The following ANKH variants were observed in gnomAD, a reference collection of about 807,000 sequenced individuals.
ANKH encodes the protein ANKH inorganic pyrophosphate transport regulator.
Under a neutral mutation model 49.0 loss-of-function variants are expected in ANKH, and 15 were observed. That is an observed-to-expected ratio of 0.31 (90% CI 0.20 to 0.47). The LOEUF (loss-of-function observed/expected upper bound fraction) is 0.47. ANKH is among the 20% of genes least tolerant of loss of function. The pLI is 1.00. For synonymous variants in ANKH, 273 were observed against 260.0 expected, an observed-to-expected ratio of 1.05 and a Z score of -0.48; for missense variants, 429 against 652.0, an observed-to-expected ratio of 0.66 and a Z score of 3.72.
At chr5:14,816,306 TG>T (rs1039023669) in intron 1 of ANKH, among the ~76,000 whole-genome samples, 2 of 152,228 alleles carry the variant, frequency 1.3e-5, no homozygotes, top group African/African-American at 4.8e-5. Context: ...CAAAGAAGAT[TG>T]GTTTAGAAGC....
intron 1 of ANKH, among the ~76,000 whole-genome samples, chr5:14,788,623 C>T (rs1561055634): frequency 6.6e-6 from 1 of 152,158 alleles, no homozygotes; most frequent in Non-Finnish European, 1.5e-5. Context: ...AAGGATTAGG[C>T]ACTTTCGTAT....
Position 14,709,124 on chromosome 5 carries a change from C to T in ANKH, c.*2073G>A, listed in dbSNP as rs956302043. 1 of 152,204 alleles carries T rather than the reference C, an allele frequency of 6.6e-6. No homozygotes were observed. The highest frequency in any genetic ancestry group is 2.4e-5 in the African/African-American group (1 of 41,430). The allele number at this position is 152,204 out of a possible 1,614,324, so 9.4% of individuals were successfully genotyped here. A position where few individuals can be genotyped will look rare whatever the true frequency, so the allele number is the denominator to read the frequency against. Reference sequence around the variant, plus strand: ...GGCCAGGCTGGTCTCAAACTCCTGACCTTAAGTGATCCACCCTCCTTGGCC... The same window carrying T: ...GGCCAGGCTGGTCTCAAACTCCTGATCTTAAGTGATCCACCCTCCTTGGCC... On this transcript the variant is annotated 3_prime_UTR_variant, in exon 12 of 12. Coordinates refer to ENST00000284268, the MANE Select transcript of ANKH (RefSeq NM_054027.6).
chr5:14,843,942 AT>A (rs530937459), intron 1 of ANKH, among the ~76,000 whole-genome samples: 73 of 152,300 alleles, frequency 4.8e-4, no homozygotes, highest in Non-Finnish European at 9.1e-4. Flanking sequence ...AGGATATCAT[AT>A]TTTTTTAGTG....
intron 1 of ANKH, among the ~76,000 whole-genome samples, chr5:14,837,630 G>T (rs561841334): frequency 6.6e-6 from 1 of 152,346 alleles, no homozygotes; most frequent in East Asian, 1.9e-4. Context: ...AACAACAGGT[G>T]CTGGAGAAGA....
chr5:14,843,312 A>G (rs552487112), intron 1 of ANKH, among the ~76,000 whole-genome samples: 1 of 151,578 alleles, frequency 6.6e-6, no homozygotes, highest in South Asian at 2.1e-4. Context: ...AGTAGCTGGG[A>G]CTACAGGCGT....
chr5:14,868,384 T>TA (rs954252190), intron 1 of ANKH: 2 of 151,982 alleles, frequency 1.3e-5, no homozygotes, highest in African/African-American at 2.4e-5. Flanking sequence ...TTTTATTTTT[T>TA]AATTTTGCAT....
chr5:14,803,320 C>T (rs1580080669), intron 1 of ANKH, among the ~76,000 whole-genome samples: 1 of 152,284 alleles, frequency 6.6e-6, no homozygotes, highest in East Asian at 1.9e-4. Flanking sequence ...TGCTCTGTTG[C>T]CCGGGCTGGA....
intron 1 of ANKH, among the ~76,000 whole-genome samples, chr5:14,837,868 C>G (rs1397724170): frequency 6.6e-6 from 1 of 152,012 alleles, no homozygotes; most frequent in Non-Finnish European, 1.5e-5. Flanking sequence ...AGACTTGGAA[C>G]CAACCCAATG....
intron 1 of ANKH, among the ~76,000 whole-genome samples, chr5:14,862,287 G>A (rs1000038732): frequency 6.6e-6 from 1 of 152,184 alleles, no homozygotes; most frequent in African/African-American, 2.4e-5. Flanking sequence ...AACTACATAG[G>A]AGAAACAGTA....
intron 1 of ANKH, among the ~76,000 whole-genome samples, chr5:14,818,295 C>T (rs907383005): frequency 5.3e-5 from 8 of 151,996 alleles, no homozygotes; most frequent in African/African-American, 1.9e-4. Flanking sequence ...CCTACCCTCC[C>T]TTCTCCTCCT....
chr5:14,746,318 T>G (rs1738541295), intron 6 of ANKH, among the ~76,000 whole-genome samples: 1 of 151,998 alleles, frequency 6.6e-6, no homozygotes, highest in Non-Finnish European at 1.5e-5. Flanking sequence ...TCTCTCTTTC[T>G]TTTAATTTTT....
intron 1 of ANKH, among the ~76,000 whole-genome samples, chr5:14,830,519 G>A (rs908897965): frequency 2.4e-4 from 37 of 151,530 alleles, no homozygotes; most frequent in Non-Finnish European, 2.9e-5. Context: ...GAGTGTGTGT[G>A]TGTGTGTGTG....
intron 1 of ANKH, among the ~76,000 whole-genome samples, chr5:14,800,383 T>C (rs1740532631): frequency 6.6e-6 from 1 of 152,266 alleles, no homozygotes; most frequent in Non-Finnish European, 1.5e-5. Flanking sequence ...AAAGAAGTTC[T>C]ACTGTGAGTA....
In ANKH at chr5:14,710,972, G is replaced by GT; in HGVS notation, c.*224dup. 2 of 538,690 alleles carry GT rather than the reference G, an allele frequency of 3.7e-6. No individual in the cohort carries two copies. Among genetic ancestry groups the GT allele is most frequent in the South Asian group, 4.0e-5 (2 of 50,086 alleles). The allele number at this position is 538,690 out of a possible 1,614,324, so 33.4% of individuals were successfully genotyped here. On this transcript the variant is annotated 3_prime_UTR_variant, in exon 12 of 12. Transcript: ENST00000284268. The stretch of plus-strand genomic sequence containing the variant: ...GCAGGGGTATGAAGTCAGTTGTTTC[G>GT]TTTGTTTTTACATAGCAACAGTAAA...
intron 8 of ANKH, among the ~76,000 whole-genome samples, chr5:14,717,600 C>T (rs1737518985): frequency 6.6e-6 from 1 of 152,174 alleles, no homozygotes. Flanking sequence ...CACAGCTCCC[C>T]TTGCGCAGCT....
intron 1 of ANKH, among the ~76,000 whole-genome samples, chr5:14,793,547 T>C (rs540877495): frequency 2.4e-4 from 36 of 151,676 alleles, no homozygotes; most frequent in African/African-American, 7.7e-4. Context: ...AGGGGCTGAG[T>C]AACGGGAGAT....
chr5:14,796,217 C>T (rs1342005959), intron 1 of ANKH, among the ~76,000 whole-genome samples: 4 of 150,508 alleles, frequency 2.7e-5, no homozygotes, highest in Non-Finnish European at 5.9e-5. Flanking sequence ...TAAGCACTTA[C>T]ACAGTTAGTC....
At chr5:14,759,830 AAAGGG>A (rs1268771646) in intron 2 of ANKH, among the ~76,000 whole-genome samples, 9 of 110,918 alleles carry the variant, frequency 8.1e-5, no homozygotes, top group South Asian at 6.0e-4. Context: ...AAAGGAAAGG[AAAGGG>A]AAGGGAAGGG....
rs1446964647 is a variant in ANKH, at chr5:14,859,589, C to T, written c.96+11763G>A. 3.9e-5 allele frequency among the ~76,000 whole-genome samples: 6 copies of T among 152,186 alleles called. 1 individual carries two copies. Among genetic ancestry groups the T allele is most frequent in the Admixed American group, 3.9e-4 (6 of 15,284 alleles). ...CAATAAGAAAGAATAAGGTGCTAGA[C>T]ACTGTAATAACAATGCACATGTGTC... On this transcript the variant is annotated intron_variant, in intron 1 of 11. Coordinates refer to ENST00000284268, the MANE Select transcript of ANKH (RefSeq NM_054027.6).
Sources: allele counts gnomAD v4.1 joint callset (sites outside exome capture counted in the v4.1 genomes callset), GRCh38; gene constraint gnomAD v4.1.1; transcripts MANE v1.5; gene names NCBI Gene and HGNC (gene_info 2026-07-23, HGNC 2026-07-21).